The following NTM variants were observed in gnomAD, a reference collection of about 807,000 sequenced individuals.
NTM encodes the protein IgLON family member 2.
A neutral mutation model predicts 42.1 loss-of-function variants in NTM; 13 were observed. The ratio of observed to expected loss-of-function variants is 0.31; its 90% CI spans 0.20 to 0.49. The LOEUF (loss-of-function observed/expected upper bound fraction) is 0.49. NTM is among the 20% of genes least tolerant of loss of function. The pLI, the probability that NTM is intolerant of heterozygous loss-of-function variation, is 0.99. For missense variants in NTM, 373 were observed against 452.8 expected (o/e 0.82, Z 1.60); for synonymous variants, 187 against 179.2 (o/e 1.04, Z -0.35).
Position 131,982,106 on chromosome 11 carries a change from G to A in NTM, c.167+70458G>A, listed in dbSNP as rs550771614. Among the ~76,000 whole-genome samples, 7 of 152,074 alleles carry A rather than the reference G, an allele frequency of 4.6e-5. 1 individual carries two copies. The South Asian group carries it at 6.2e-4, about 14-fold the overall frequency. On this transcript the variant is annotated intron_variant, in intron 2 of 8. Coordinates refer to ENST00000683400, the MANE Select transcript of NTM (RefSeq NM_001352005.2). ...CACTAAAAGGAAAAAAAAAGAAACC[G>A]TGCAGTTTGAAATTATCTCCTAGGT...
chr11:132,315,506 C>T (rs1591960889), intron 7 of NTM, among the ~76,000 whole-genome samples: 1 of 152,284 alleles, frequency 6.6e-6, no homozygotes, highest in East Asian at 1.9e-4. Flanking sequence ...CCATCAAGTT[C>T]TTTGAGCTTG....
intron 1 of NTM, among the ~76,000 whole-genome samples, chr11:131,690,079 G>A (rs1350052464): frequency 6.6e-6 from 1 of 152,138 alleles, no homozygotes; most frequent in East Asian, 1.9e-4. Context: ...GATGAGATCA[G>A]CACGTCTCTC....
chr11:131,487,714 C>G (rs1040809468), intron 1 of NTM, among the ~76,000 whole-genome samples: 20 of 152,076 alleles, frequency 1.3e-4, no homozygotes, highest in African/African-American at 4.8e-4. Context: ...AACAAGAAAG[C>G]TCTTGCTACC....
chr11:131,587,385 T>C (rs1374315354), intron 1 of NTM, among the ~76,000 whole-genome samples: 1 of 151,818 alleles, frequency 6.6e-6, no homozygotes, highest in African/African-American at 2.4e-5. Context: ...GAGGTGGAGC[T>C]TGCAGTGAGC....
At chr11:131,783,538 GA>G (rs1475227288) in intron 1 of NTM, among the ~76,000 whole-genome samples, 1 of 152,048 alleles carries the variant, frequency 6.6e-6, no homozygotes, top group African/African-American at 2.4e-5. Flanking sequence ...ATTAAGTGGG[GA>G]AAAAGATTCT....
chr11:131,460,790 A>G (rs2034386), intron 1 of NTM, among the ~76,000 whole-genome samples: 25,399 of 152,048 alleles, frequency 0.17, 3,071 homozygotes, highest in East Asian at 0.56. Flanking sequence ...CTGACCTCAA[A>G]TGATCCGCCC....
At chr11:131,702,001 T>C (rs1346393816) in intron 1 of NTM, among the ~76,000 whole-genome samples, 2 of 152,254 alleles carry the variant, frequency 1.3e-5, no homozygotes, top group Non-Finnish European at 2.9e-5. Context: ...CCATGGCTCC[T>C]GTCCTTGGTG....
chr11:131,641,940 T>G (rs2065189585), intron 1 of NTM, among the ~76,000 whole-genome samples: 1 of 152,134 alleles, frequency 6.6e-6, no homozygotes, highest in Non-Finnish European at 1.5e-5. Context: ...TTGGCGAGGA[T>G]GGTCTCGATC....
At chr11:131,502,317 C>G (rs939858107) in intron 1 of NTM, among the ~76,000 whole-genome samples, 1 of 152,156 alleles carries the variant, frequency 6.6e-6, no homozygotes, top group African/African-American at 2.4e-5. Context: ...GACGTGGGAT[C>G]TCACTGGACA....
At chr11:131,440,845 A>G (rs981214673) in intron 1 of NTM, among the ~76,000 whole-genome samples, 21 of 115,706 alleles carry the variant, frequency 1.8e-4, no homozygotes, top group African/African-American at 5.7e-4. Context: ...AAAAAAAAAA[A>G]AAAAAAAAAA....
chr11:131,391,185 G>C (rs1291616582), intron 1 of NTM, among the ~76,000 whole-genome samples: 1 of 152,166 alleles, frequency 6.6e-6, no homozygotes, highest in Non-Finnish European at 1.5e-5. Flanking sequence ...TTAGTGCTGA[G>C]AATATTTGAG....
In NTM at chr11:132,180,098, A is replaced by G. The variant is rs138992559; in HGVS notation, c.401-31924A>G. Among the ~76,000 whole-genome samples the G allele has an allele frequency of 5.5e-3, 835 of 152,300 alleles. 3 individuals are homozygous for G. The highest frequency in any genetic ancestry group is 0.034 in the Middle Eastern group (10 of 294). On this transcript the variant is annotated intron_variant, in intron 3 of 8. Coordinates refer to ENST00000683400, the MANE Select transcript of NTM (RefSeq NM_001352005.2). ...CGTTTGAAAGCTTTTGAAATATACA[A>G]AAGGGATTGATTGTCTATGGAGAGA...
intron 1 of NTM, among the ~76,000 whole-genome samples, chr11:131,785,447 A>G (rs2088981323): frequency 2.0e-5 from 3 of 152,366 alleles, no homozygotes; most frequent in South Asian, 2.1e-4. Context: ...TAATTCTACA[A>G]TTGGACCCTT....
At chr11:132,037,682 G>A (rs1485698924) in intron 2 of NTM, among the ~76,000 whole-genome samples, 1 of 152,160 alleles carries the variant, frequency 6.6e-6, no homozygotes, top group Non-Finnish European at 1.5e-5. Flanking sequence ...CTGCATTTCA[G>A]TTGATGGAAT....
At chr11:131,459,147 C>G (rs1456374550) in intron 1 of NTM, among the ~76,000 whole-genome samples, 1 of 152,236 alleles carries the variant, frequency 6.6e-6, no homozygotes, top group Non-Finnish European at 1.5e-5. Flanking sequence ...GTGCAGACAT[C>G]TACGCCACTC....
chr11:132,194,730 C>G (rs1360253711), intron 3 of NTM, among the ~76,000 whole-genome samples: 1 of 151,950 alleles, frequency 6.6e-6, no homozygotes, highest in Non-Finnish European at 1.5e-5. Context: ...GTAGGCTCTG[C>G]CAAAAGCCTC....
At position 131,370,896 on chromosome 11, in the gene NTM, C is replaced by T; in HGVS notation, c.82+8C>T. 6.2e-6 allele frequency: 10 copies of T among 1,613,800 alleles called. No homozygotes were observed. The highest frequency in any genetic ancestry group is 8.5e-6 in the Non-Finnish European group (10 of 1,179,900). On this transcript the variant is annotated splice_region_variant and intron_variant, in intron 1 of 8. Coordinates refer to ENST00000683400, the MANE Select transcript of NTM (RefSeq NM_001352005.2). The stretch of plus-strand genomic sequence containing the variant: ...CTCTGTGTCTCTTCCAAGGTAAGAG[C>T]TTGCTATTGATTTGCCTTCGGTAGA...
chr11:132,031,159 A>G (rs2135659030), intron 2 of NTM, among the ~76,000 whole-genome samples: 1 of 152,322 alleles, frequency 6.6e-6, no homozygotes, highest in South Asian at 2.1e-4. Flanking sequence ...CAACAGTAGG[A>G]GGGGAAAAGA....
chr11:131,457,958 C>A (rs11222639), intron 1 of NTM, among the ~76,000 whole-genome samples: 1 of 152,110 alleles, frequency 6.6e-6, no homozygotes, highest in Non-Finnish European at 1.5e-5. Context: ...TGACTTCCAG[C>A]CTCCAGAACT....
Sources: allele counts gnomAD v4.1 joint callset (sites outside exome capture counted in the v4.1 genomes callset), GRCh38; gene constraint gnomAD v4.1.1; transcripts MANE v1.5; gene names NCBI Gene and HGNC (gene_info 2026-07-23, HGNC 2026-07-21).